GPR158: variants seen among roughly 807,000 people sequenced by gnomAD.
GPR158 encodes metabotropic glycine receptor.
GPR158 carries 30 observed loss-of-function variants against 78.2 expected under a neutral mutation model. The ratio of observed to expected loss-of-function variants is 0.38; its 90% CI spans 0.29 to 0.52. GPR158 has a LOEUF of 0.52. Ranked by LOEUF, GPR158 falls within the 20% of genes least tolerant of loss-of-function variation. GPR158 has a pLI of 0.83. For missense variants in GPR158, 1,463 were observed against 1,523.5 expected (o/e 0.96, Z 0.66); for synonymous variants, 581 against 591.1 (o/e 0.98, Z 0.25).
At chr10:25,539,659 G>A (rs1363758087) in intron 5 of GPR158, among the ~76,000 whole-genome samples, 1 of 151,358 alleles carries the variant, frequency 6.6e-6, no homozygotes, top group African/African-American at 2.4e-5. Context: ...TGTTACTTCT[G>A]TATTACTATG....
At chr10:25,560,513 C>A (rs933961625) in intron 6 of GPR158, among the ~76,000 whole-genome samples, 2 of 152,194 alleles carry the variant, frequency 1.3e-5, no homozygotes, top group Non-Finnish European at 2.9e-5. Context: ...GATCCGCCTG[C>A]CTTGGCCTCC....
intron 2 of GPR158, among the ~76,000 whole-genome samples, chr10:25,369,952 C>T (rs10764531): frequency 0.65 from 95,082 of 145,256 alleles, 32,295 homozygotes; most frequent in Non-Finnish European, 0.75. Context: ...AGTTTATTTG[C>T]GTAGAGGTGT....
At chr10:25,360,213 C>T (rs2130532318) in intron 2 of GPR158, among the ~76,000 whole-genome samples, 1 of 152,252 alleles carries the variant, frequency 6.6e-6, no homozygotes, top group Admixed American at 6.5e-5. Context: ...TGCCTGTTTA[C>T]TCTGATGATA....
intron 5 of GPR158, among the ~76,000 whole-genome samples, chr10:25,502,177 T>C (rs186373662): frequency 8.4e-4 from 128 of 152,242 alleles, no homozygotes; most frequent in African/African-American, 2.9e-3. Flanking sequence ...TATTTTAAGC[T>C]TCCCCTGAGA....
chr10:25,573,859 A>G (rs1282250216), intron 7 of GPR158, among the ~76,000 whole-genome samples: 1 of 152,108 alleles, frequency 6.6e-6, no homozygotes, highest in Non-Finnish European at 1.5e-5. Flanking sequence ...AGTCTTATAA[A>G]CCTGATATCT....
At chr10:25,436,520 A>G (rs780667962) in intron 4 of GPR158, among the ~76,000 whole-genome samples, 5 of 152,254 alleles carry the variant, frequency 3.3e-5, no homozygotes, top group African/African-American at 4.8e-5. Context: ...GAATTAAAGT[A>G]GAATGCAAGT....
intron 2 of GPR158, among the ~76,000 whole-genome samples, chr10:25,384,272 A>T (rs1834193198): frequency 6.6e-6 from 1 of 152,154 alleles, no homozygotes; most frequent in Admixed American, 6.5e-5. Context: ...AAGAATAAAA[A>T]ACCATGAAAA....
At chr10:25,494,498 A>C (rs1435295391) in intron 5 of GPR158, among the ~76,000 whole-genome samples, 2 of 152,154 alleles carry the variant, frequency 1.3e-5, no homozygotes, top group African/African-American at 4.8e-5. Context: ...CTATGTATAA[A>C]AATTGGATTG....
At chr10:25,580,309 ATTC>A (rs1564496386) in intron 7 of GPR158, among the ~76,000 whole-genome samples, 1 of 152,196 alleles carries the variant, frequency 6.6e-6, no homozygotes, top group Non-Finnish European at 1.5e-5. Context: ...CACAGTCTTT[ATTC>A]TTCTTTATTG....
At position 25,421,069 on chromosome 10, in the gene GPR158, G is replaced by C. The variant is rs538183187; in HGVS notation, c.1335+8596G>C. Among the ~76,000 whole-genome samples the C allele has an allele frequency of 1.8e-4, 28 of 152,242 alleles. No homozygotes were observed. The East Asian group carries it at 3.1e-3, about 17-fold the overall frequency. On this transcript the variant is annotated intron_variant, in intron 4 of 10. Coordinates refer to ENST00000376351, the MANE Select transcript of GPR158 (RefSeq NM_020752.3). ...TTTGGGTAGTATTGACATCTTAACAGTATTAAGTGTTCTAATCAATAAACA... is the reference window on the plus strand; with the variant it reads ...TTTGGGTAGTATTGACATCTTAACACTATTAAGTGTTCTAATCAATAAACA...
intron 1 of GPR158, among the ~76,000 whole-genome samples, chr10:25,181,947 G>C (rs542484831): frequency 5.7e-4 from 86 of 151,998 alleles, no homozygotes; most frequent in South Asian, 3.3e-3. Context: ...TGAACTCCTG[G>C]GCTCAGGTGA....
chr10:25,236,867 C>G (rs2130701534), intron 2 of GPR158, among the ~76,000 whole-genome samples: 1 of 152,212 alleles, frequency 6.6e-6, no homozygotes, highest in Admixed American at 6.5e-5. Flanking sequence ...GGATGCCTTT[C>G]CTTTCACTTT....
At chr10:25,514,787 G>C (rs1836138151) in intron 5 of GPR158, among the ~76,000 whole-genome samples, 1 of 152,020 alleles carries the variant, frequency 6.6e-6, no homozygotes, top group African/African-American at 2.4e-5. Context: ...TGTTTTGCTG[G>C]ATACAAAATT....
intron 2 of GPR158, among the ~76,000 whole-genome samples, chr10:25,359,984 G>A (rs1588823336): frequency 6.6e-6 from 1 of 152,202 alleles, no homozygotes; most frequent in African/African-American, 2.4e-5. Context: ...TCTCATGGTG[G>A]TTTTGATTTG....
chr10:25,461,132 T>C (rs1267209549), intron 4 of GPR158, among the ~76,000 whole-genome samples: 1 of 152,252 alleles, frequency 6.6e-6, no homozygotes. Context: ...CAATTAATAA[T>C]CCTACAATGG....
chr10:25,285,090 GTA>G (rs1491050653), intron 2 of GPR158, among the ~76,000 whole-genome samples: 126 of 151,668 alleles, frequency 8.3e-4, no homozygotes, highest in African/African-American at 2.6e-3. Flanking sequence ...GTGTGTGTGT[GTA>G]TGCATGTGCA....
rs756759445 is a variant in GPR158, at chr10:25,317,716, G to GTTTTTTTTTTTTTTTT, written c.1009-78186_1009-78185insTTTTTTTTTTTTTTTT. ...TTAAATTCTGTTTTCTTCGTAAAGT[G>GTTTTTTTTTTTTTTTT]TTTTTTTTTGTTTTGTTTTGTTTTG... On this transcript the variant is annotated intron_variant, in intron 2 of 10. Coordinates refer to ENST00000376351, the MANE Select transcript of GPR158 (RefSeq NM_020752.3). Among the ~76,000 whole-genome samples the GTTTTTTTTTTTTTTTT allele has an allele frequency of 6.5e-4, 87 of 134,014 alleles. 9 individuals carry two copies. The highest frequency in any genetic ancestry group is 2.1e-3 in the East Asian group (10 of 4,780). The allele number at this position is 134,014 out of a possible 152,430, so 87.9% of individuals were successfully genotyped here. A position where few individuals can be genotyped will look rare whatever the true frequency, so the allele number is the denominator to read the frequency against.
chr10:25,211,327 T>C (rs1853126861), intron 1 of GPR158, among the ~76,000 whole-genome samples: 1 of 152,140 alleles, frequency 6.6e-6, no homozygotes, highest in Admixed American at 6.5e-5. Flanking sequence ...TCACAATAAA[T>C]GATTAGAAGT....
chr10:25,219,226 T>C (rs1853263604), intron 1 of GPR158, among the ~76,000 whole-genome samples: 1 of 152,226 alleles, frequency 6.6e-6, no homozygotes, highest in African/African-American at 2.4e-5. Flanking sequence ...GCATCTACTG[T>C]CCATTAAACA....
Sources: allele counts gnomAD v4.1 joint callset (sites outside exome capture counted in the v4.1 genomes callset), GRCh38; gene constraint gnomAD v4.1.1; transcripts MANE v1.5; gene names NCBI Gene and HGNC (gene_info 2026-07-23, HGNC 2026-07-21).